Variants in XIRP2 observed in about 807,000 individuals in gnomAD.
The protein encoded by XIRP2 is xin actin-binding repeat-containing protein 2.
In XIRP2, 236 loss-of-function variants were observed where a neutral mutation model predicts 277.0. The ratio of observed to expected loss-of-function variants is 0.85; its 90% CI spans 0.77 to 0.95. The LOEUF (loss-of-function observed/expected upper bound fraction) is 0.95, where lower values mean the gene tolerates loss of function less well. Among genes scored for constraint, XIRP2 ranks in the 40% least tolerant of loss-of-function variants. The probability of loss-of-function intolerance (pLI) is 0.00; values close to 1 mark genes in which losing one functional copy is unlikely to be tolerated. For missense variants in XIRP2, 4,640 were observed against 4,157.5 expected (o/e 1.12, Z -3.19); for synonymous variants, 1,490 against 1,416.5 (o/e 1.05, Z -1.17).
intron 2 of XIRP2, among the ~76,000 whole-genome samples, chr2:166,937,264 T>C (rs1279295298): frequency 6.6e-6 from 1 of 152,212 alleles, no homozygotes; most frequent in Admixed American, 6.5e-5. Flanking sequence ...GATACGTCCA[T>C]CAACACCTAA....
At position 167,246,982 on chromosome 2, in the gene XIRP2, A is replaced by G; in HGVS notation, c.5590A>G (p.Ile1864Val). Residue 1864 changes from isoleucine (I) to valine (V), a missense_variant, in exon 9 of 11, where the codon ATA (isoleucine) becomes GTA (valine). By Grantham distance (29) the Ile-to-Val change is conservative. Coordinates refer to ENST00000409195, the MANE Select transcript of XIRP2 (RefSeq NM_152381.6). ...AACAGTGACGAAAACAGAAGAAATTATAAAAGGTAACATGCTAGCCACACT... is the reference window on the plus strand; with the variant it reads ...AACAGTGACGAAAACAGAAGAAATTGTAAAAGGTAACATGCTAGCCACACT... ...QKTVTKTEEI[I>V]KGNMLATLKS... is the part of the protein sequence containing the mutation. 5 of 1,613,694 alleles carry G rather than the reference A, an allele frequency of 3.1e-6. No individual in the cohort carries two copies. Among genetic ancestry groups the G allele is most frequent in the Non-Finnish European group, 4.2e-6 (5 of 1,179,776 alleles).
intron 2 of XIRP2, among the ~76,000 whole-genome samples, chr2:166,997,893 G>A (rs139233084): frequency 5.7e-4 from 86 of 149,666 alleles, no homozygotes; most frequent in African/African-American, 2.0e-3. Context: ...GTGAAAGAGC[G>A]AGACTCCATC....
rs145662829 is a variant in XIRP2 at position 167,041,636 on chromosome 2, CTT to C, written c.409-94270_409-94269del. On this transcript the variant is annotated intron_variant, in intron 2 of 10. Coordinates refer to ENST00000409195, the MANE Select transcript of XIRP2 (RefSeq NM_152381.6). ...TCAGACAAAAATAAAGAAAAAATAA[CTT>C]TTAAAAAATGAACACAATTTCCAAG... Among the ~76,000 whole-genome samples the C allele has an allele frequency of 3.9e-3, 599 of 152,110 alleles. 33 individuals are homozygous for C. In the East Asian group the frequency reaches 0.094, roughly 24 times the overall value.
intron 2 of XIRP2, among the ~76,000 whole-genome samples, chr2:166,981,852 G>T (rs1686878183): frequency 6.6e-6 from 1 of 152,088 alleles, no homozygotes; most frequent in African/African-American, 2.4e-5. Context: ...AATTTTGAAG[G>T]GATGCTACTC....
chr2:167,116,683 G>T (rs1445765162), intron 2 of XIRP2, among the ~76,000 whole-genome samples: 1 of 151,998 alleles, frequency 6.6e-6, no homozygotes, highest in Non-Finnish European at 1.5e-5. Flanking sequence ...TTTTATGTTT[G>T]TTCTGTCTTT....
At position 167,072,983 on chromosome 2, in the gene XIRP2, A is replaced by G. The variant is rs979040373; in HGVS notation, c.409-62926A>G. Among the ~76,000 whole-genome samples the G allele has an allele frequency of 7.2e-5, 11 of 152,292 alleles. No individual in the cohort carries two copies. The East Asian group carries it at 2.1e-3, about 29-fold the overall frequency. The stretch of plus-strand genomic sequence containing the variant: ...CTGATTAACCAAAAAGAAAACGATA[A>G]AAGTAAAATTTTGAAACAACTATGA... On this transcript the variant is annotated intron_variant, in intron 2 of 10. Coordinates refer to ENST00000409195, the MANE Select transcript of XIRP2 (RefSeq NM_152381.6).
chr2:167,091,984 A>G (rs553616863), intron 2 of XIRP2, among the ~76,000 whole-genome samples: 4 of 152,230 alleles, frequency 2.6e-5, no homozygotes, highest in South Asian at 2.1e-4. Flanking sequence ...AGCAACACCA[A>G]ATGTGATTGT....
intron 3 of XIRP2, among the ~76,000 whole-genome samples, chr2:167,195,246 T>C (rs578126978): frequency 6.6e-6 from 1 of 152,332 alleles, no homozygotes; most frequent in South Asian, 2.1e-4. Context: ...TCCTTGGTGA[T>C]GTCAACATCA....
chr2:167,205,120 T>A (rs756037315), intron 3 of XIRP2, among the ~76,000 whole-genome samples: 6 of 152,150 alleles, frequency 3.9e-5, no homozygotes, highest in Non-Finnish European at 8.8e-5. Flanking sequence ...TCAGGATGCC[T>A]TTCCTGACAC....
chr2:167,039,975 A>G (rs1225177601), intron 2 of XIRP2, among the ~76,000 whole-genome samples: 1 of 152,206 alleles, frequency 6.6e-6, no homozygotes, highest in Non-Finnish European at 1.5e-5. Flanking sequence ...TAGTCATGTC[A>G]GAAACAATTA....
chr2:167,021,122 C>T (rs1378497225), intron 2 of XIRP2, among the ~76,000 whole-genome samples: 2 of 152,024 alleles, frequency 1.3e-5, no homozygotes, highest in African/African-American at 4.8e-5. Context: ...TCGTATGCTT[C>T]TAAAACTTCT....
intron 2 of XIRP2, among the ~76,000 whole-genome samples, chr2:167,077,258 G>A (rs919769427): frequency 6.6e-6 from 1 of 152,114 alleles, no homozygotes; most frequent in Non-Finnish European, 1.5e-5. Context: ...GGTGAGCTTT[G>A]TCAGATTACA....
At position 167,062,059 on chromosome 2, in the gene XIRP2, C is replaced by G. The variant is rs528871999; in HGVS notation, c.409-73850C>G. ...CCTCGATCGCTTGGCCATCCTGGCA[C>G]CCTTCCTGCCTCTATTGGGAGGATT... On this transcript the variant is annotated intron_variant, in intron 2 of 10. Coordinates refer to ENST00000409195, the MANE Select transcript of XIRP2 (RefSeq NM_152381.6). Among the ~76,000 whole-genome samples, 50 of 152,276 alleles carry G rather than the reference C, an allele frequency of 3.3e-4. No individual in the cohort carries two copies. In the Middle Eastern group the frequency reaches 0.01, roughly 31 times the overall value.
At chr2:166,925,839 G>A (rs762515815) in intron 2 of XIRP2, among the ~76,000 whole-genome samples, 22 of 151,642 alleles carry the variant, frequency 1.5e-4, no homozygotes, top group Non-Finnish European at 2.4e-4. Context: ...GGAGGCCTAG[G>A]CAGGAGGATC....
At chr2:167,172,592 C>T (rs1692729115) in intron 3 of XIRP2, among the ~76,000 whole-genome samples, 1 of 152,192 alleles carries the variant, frequency 6.6e-6, no homozygotes, top group South Asian at 2.1e-4. Context: ...TTCTCTTTCT[C>T]AGGGCTGTTC....
chr2:167,017,342 A>G (rs1558949048), intron 2 of XIRP2, among the ~76,000 whole-genome samples: 1 of 151,878 alleles, frequency 6.6e-6, no homozygotes, highest in Non-Finnish European at 1.5e-5. Context: ...TTTATTTCTG[A>G]GAGTCTGAAC....
At position 167,250,115 on chromosome 2, in the gene XIRP2, A is replaced by C. The variant is rs2105447077; in HGVS notation, c.8723A>C (p.Gln2908Pro). 1.2e-6 allele frequency: 2 copies of C among 1,613,360 alleles called. No homozygotes were observed. Among genetic ancestry groups the C allele is most frequent in the Non-Finnish European group, 1.7e-6 (2 of 1,179,652 alleles). Residue 2908 changes from glutamine to proline, a missense_variant, in exon 9 of 11, where the codon CAA becomes CCA. Gln to Pro is a moderately conservative substitution (Grantham distance 76). Transcript: ENST00000409195. The part of the protein sequence containing the change: ...CLEVKGIQEK[Q>P]VFSNTKDSKQ... ...GAAGTCAAGGGCATACAAGAGAAAC[A>C]AGTCTTCTCTAATACTAAAGATTCA... is the stretch of plus-strand genomic sequence containing the variant.
At chr2:167,105,983 C>T (rs183512430) in intron 2 of XIRP2, among the ~76,000 whole-genome samples, 16 of 151,244 alleles carry the variant, frequency 1.1e-4, no homozygotes, top group Admixed American at 8.6e-4. Flanking sequence ...GACTTTTGCC[C>T]ACTTTCTGCT....
chr2:166,930,229 T>C (rs558669323), intron 2 of XIRP2, among the ~76,000 whole-genome samples: 1 of 152,274 alleles, frequency 6.6e-6, no homozygotes, highest in Admixed American at 6.5e-5. Flanking sequence ...TGTTTTCTTA[T>C]GGGATAAATG....
Sources: gnomAD v4.1 joint callset for allele counts (sites outside exome capture counted in the v4.1 genomes callset) on GRCh38, gnomAD v4.1.1 for gene constraint, MANE v1.5 for transcripts, NCBI Gene and HGNC (gene_info 2026-07-23, HGNC 2026-07-21) for gene names.